RNF38: variants seen among roughly 807,000 people sequenced by gnomAD.
RNF38 encodes the protein E3 ubiquitin-protein ligase RNF38.
A neutral mutation model predicts 67.2 loss-of-function variants in RNF38; 15 were observed. The ratio of observed to expected loss-of-function variants is 0.22; its 90% CI spans 0.15 to 0.34. RNF38 has a LOEUF of 0.34. Ranked by LOEUF, RNF38 falls within the 10% of genes least tolerant of loss-of-function variation. The pLI is 1.00. For missense variants in RNF38, 524 were observed against 639.9 expected, an observed-to-expected ratio of 0.82 and a Z score of 1.95; for synonymous variants, 220 against 218.8, an observed-to-expected ratio of 1.01 and a Z score of -0.05.
chr9:36,366,068 C>A (rs2381521), intron 4 of RNF38, among the ~76,000 whole-genome samples: 1 of 152,068 alleles, frequency 6.6e-6, no homozygotes, highest in Non-Finnish European at 1.5e-5. Flanking sequence ...AAAACAGTAG[C>A]ATAAACCCCC....
chr9:36,379,710 C>T (rs781465279), intron 2 of RNF38, among the ~76,000 whole-genome samples: 4 of 152,106 alleles, frequency 2.6e-5, no homozygotes, highest in Non-Finnish European at 5.9e-5. Context: ...TGTGGAAATT[C>T]ATCATTCCAC....
chr9:36,354,914 G>A (rs1833988136), intron 6 of RNF38, among the ~76,000 whole-genome samples: 1 of 152,300 alleles, frequency 6.6e-6, no homozygotes, highest in East Asian at 1.9e-4. Context: ...CTTACACTAT[G>A]ACAACACTAG....
intron 1 of RNF38, among the ~76,000 whole-genome samples, chr9:36,442,279 G>C (rs934421633): frequency 2.0e-5 from 3 of 151,950 alleles, no homozygotes; most frequent in Non-Finnish European, 4.4e-5. Context: ...TCCAACTCAA[G>C]CCTCAAAAAA....
At chr9:36,448,887 G>T (rs1396736633) in intron 1 of RNF38, among the ~76,000 whole-genome samples, 1 of 152,010 alleles carries the variant, frequency 6.6e-6, no homozygotes, top group African/African-American at 2.4e-5. Context: ...CCAGCTACTC[G>T]GGAGGCTGAG....
At chr9:36,443,443 C>T (rs540235132) in intron 1 of RNF38, among the ~76,000 whole-genome samples, 1 of 152,160 alleles carries the variant, frequency 6.6e-6, no homozygotes, top group South Asian at 2.1e-4. Context: ...AATATCAATG[C>T]TATATATTTA....
At chr9:36,466,638 C>T (rs1186798216) in intron 1 of RNF38, among the ~76,000 whole-genome samples, 1 of 151,956 alleles carries the variant, frequency 6.6e-6, no homozygotes, top group African/African-American at 2.4e-5. Context: ...GAAAGAGACC[C>T]AACATTATTA....
chr9:36,479,129 TCC>T, intron 1 of RNF38, among the ~76,000 whole-genome samples: 1 of 152,306 alleles, frequency 6.6e-6, no homozygotes, highest in Admixed American at 6.5e-5. Flanking sequence ...TGGTACTGTC[TCC>T]AGATGATTTT....
At chr9:36,415,105 GAA>G (rs1327230174) in intron 2 of RNF38, among the ~76,000 whole-genome samples, 1 of 152,126 alleles carries the variant, frequency 6.6e-6, no homozygotes, top group East Asian at 1.9e-4. Flanking sequence ...CAAGGCCAGG[GAA>G]ATTTTCCTCA....
Position 36,483,895 on chromosome 9 carries a change from T to C in RNF38, n.241+3413A>G, listed in dbSNP as rs528597540. On this transcript the variant is annotated intron_variant and non_coding_transcript_variant, in intron 1 of 3. Transcript: ENST00000488058. ...CAACCCTGGTAGGTAGTGGGCCCCT[T>C]AGCTAACTCCATGAAAATCAGAGGA... 2.0e-5 allele frequency among the ~76,000 whole-genome samples: 3 copies of C among 152,272 alleles called. No homozygotes were observed. In the East Asian group the frequency reaches 5.8e-4, roughly 29 times the overall value.
rs764175162 is a variant in RNF38, at chr9:36,339,315, T to C, written c.*437A>G. The C allele has an allele frequency of 5.9e-6, 1 of 168,340 alleles. No homozygotes were observed. Among genetic ancestry groups the C allele is most frequent in the Non-Finnish European group, 1.3e-5 (1 of 76,676 alleles). 10.4% of individuals were successfully genotyped at this position (168,340 alleles called of 1,614,324 possible). ...AAGTAGTTGCACACACTCACACAGA[T>C]ACACTTATCACCAACAGTCATACGC... On this transcript the variant is annotated 3_prime_UTR_variant, in exon 12 of 12. Transcript: ENST00000259605.
intron 1 of RNF38, among the ~76,000 whole-genome samples, chr9:36,462,928 G>T (rs1006980575): frequency 1.4e-4 from 22 of 151,750 alleles, no homozygotes; most frequent in African/African-American, 5.3e-4. Context: ...GCCTGCCTCA[G>T]TCTCCCCTGC....
intron 1 of RNF38, among the ~76,000 whole-genome samples, chr9:36,464,412 C>T (rs1839812492): frequency 6.7e-6 from 1 of 150,024 alleles, no homozygotes; most frequent in Admixed American, 6.7e-5. Flanking sequence ...ACTAAAAATA[C>T]AAAAAAAAAT....
intron 1 of RNF38, among the ~76,000 whole-genome samples, chr9:36,451,451 A>C (rs1248012328): frequency 6.9e-6 from 1 of 144,864 alleles, no homozygotes; most frequent in Non-Finnish European, 1.5e-5. Context: ...GTGCAACAAG[A>C]GTGAAACTCC....
rs775141745 is a variant in RNF38 at position 36,400,129 on chromosome 9, TATTTC to T, written c.-26_-22del. 1.9e-5 allele frequency: 30 copies of T among 1,611,864 alleles called. No individual in the cohort carries two copies. The highest frequency in any genetic ancestry group is 1.6e-4 in the Middle Eastern group (1 of 6,078). The stretch of plus-strand genomic sequence containing the variant: ...GCCATACAGACGTAAACAAAAACTT[TATTTC>T]TTTTTGGACCTCAATAACCTGAAAC... On this transcript the variant is annotated 5_prime_UTR_variant, in exon 1 of 12. Transcript: ENST00000259605.
At chr9:36,367,107 G>GT (rs1187701573) in intron 4 of RNF38, among the ~76,000 whole-genome samples, 1 of 152,170 alleles carries the variant, frequency 6.6e-6, no homozygotes, top group African/African-American at 2.4e-5. Context: ...TATATAGAAA[G>GT]TGACTCCTTA....
At chr9:36,356,597 G>T in intron 5 of RNF38, 124 bp from the exon 6 acceptor site, 1 of 699,592 alleles carries the variant, frequency 1.4e-6, no homozygotes, top group Non-Finnish European at 2.2e-6. Context: ...GTTTTTAATA[G>T]CTTATATTAA....
intron 4 of RNF38, among the ~76,000 whole-genome samples, chr9:36,365,189 A>G (rs923214519): frequency 6.6e-6 from 1 of 151,818 alleles, no homozygotes; most frequent in Admixed American, 6.6e-5. Context: ...ATTTGGGATT[A>G]TACTAATTCT....
chr9:36,400,045 T>G, intron 1 of RNF38, 52 bp downstream of exon 1: 1 of 1,553,362 alleles, frequency 6.4e-7, no homozygotes, highest in Non-Finnish European at 8.8e-7. Context: ...TACCCAACTT[T>G]TACTGAATAA....
At chr9:36,422,699 AAGG>A (rs1422677563) in intron 2 of RNF38, among the ~76,000 whole-genome samples, 1 of 152,198 alleles carries the variant, frequency 6.6e-6, no homozygotes, top group Non-Finnish European at 1.5e-5. Context: ...GGCAGGAAGA[AAGG>A]AGAGTCGTTT....
Sources: gnomAD v4.1 joint callset for allele counts (sites outside exome capture counted in the v4.1 genomes callset) on GRCh38, gnomAD v4.1.1 for gene constraint, MANE v1.5 for transcripts, NCBI Gene and HGNC (gene_info 2026-07-23, HGNC 2026-07-21) for gene names.